Variants in MARK3 observed in about 807,000 individuals in gnomAD.
The protein encoded by MARK3 is MAP/microtubule affinity-regulating kinase 3.
MARK3 carries 46 observed loss-of-function variants against 90.1 expected under a neutral mutation model. The observed-to-expected ratio is 0.51, with a 90% CI of 0.40 to 0.65. MARK3 has a LOEUF of 0.65. Among genes scored for constraint, MARK3 ranks in the 30% least tolerant of loss-of-function variants. MARK3 has a pLI of 0.00. For synonymous variants in MARK3, 321 were observed against 332.6 expected (o/e 0.97, Z 0.38); for missense variants, 818 against 947.2 (o/e 0.86, Z 1.79).
chr14:103,457,234 C>T (rs2093296674), intron 6 of MARK3, 22 bp downstream of exon 6: 1 of 1,521,076 alleles, frequency 6.6e-7, no homozygotes, highest in Non-Finnish European at 9.1e-7. Context: ...TGTGTCTTTA[C>T]TATGTCAATT....
At chr14:103,467,358 A>C (rs910264093) in intron 11 of MARK3, 167 bp downstream of exon 11, 7 of 446,360 alleles carry the variant, frequency 1.6e-5, no homozygotes, top group African/African-American at 1.4e-4. Flanking sequence ...AAGCTATTTT[A>C]ACTTAACCCT....
intron 1 of MARK3, among the ~76,000 whole-genome samples, chr14:103,391,542 CTTTT>C (rs35186837): frequency 7.1e-6 from 1 of 140,086 alleles, no homozygotes. Context: ...GTCAAATATG[CTTTT>C]TTTTTTTTTT....
chr14:103,415,912 A>G (rs1033678111), intron 2 of MARK3, among the ~76,000 whole-genome samples: 1 of 152,174 alleles, frequency 6.6e-6, no homozygotes, highest in East Asian at 1.9e-4. Context: ...GCTTTCTCCA[A>G]ATTTATCATT....
intron 3 of MARK3, among the ~76,000 whole-genome samples, chr14:103,447,183 C>G (rs1040105496): frequency 6.6e-6 from 1 of 152,148 alleles, no homozygotes; most frequent in Non-Finnish European, 1.5e-5. Context: ...ACCTGTGATC[C>G]TAGCACTTTG....
intron 2 of MARK3, among the ~76,000 whole-genome samples, chr14:103,425,608 G>T (rs967672373): frequency 6.6e-6 from 1 of 152,166 alleles, no homozygotes; most frequent in Non-Finnish European, 1.5e-5. Flanking sequence ...CTATAAAGAT[G>T]AATAAGATGT....
At chr14:103,422,010 A>G (rs1164195067) in intron 2 of MARK3, among the ~76,000 whole-genome samples, 1 of 152,178 alleles carries the variant, frequency 6.6e-6, no homozygotes, top group Non-Finnish European at 1.5e-5. Context: ...GCCACTTTTA[A>G]TCTTTTAAAG....
At chr14:103,440,518 T>C (rs1399933028) in intron 3 of MARK3, among the ~76,000 whole-genome samples, 2 of 152,188 alleles carry the variant, frequency 1.3e-5, no homozygotes, top group African/African-American at 2.4e-5. Context: ...GAGAATTGCT[T>C]GAACCCGGGA....
chr14:103,424,466 C>T (rs983907907), intron 2 of MARK3, among the ~76,000 whole-genome samples: 1 of 150,304 alleles, frequency 6.7e-6, no homozygotes, highest in Non-Finnish European at 1.5e-5. Flanking sequence ...GTCGAGGCTG[C>T]AATGAACTGT....
In MARK3 at chr14:103,426,722, A is replaced by G. The variant is rs373494348; in HGVS notation, c.244-1665A>G. Among the ~76,000 whole-genome samples, 75 of 152,182 alleles carry G rather than the reference A, an allele frequency of 4.9e-4. No homozygotes were observed. In the East Asian group the frequency reaches 0.012, roughly 24 times the overall value. ...AGCTATAGAAGCTATAGTACTTCCT[A>G]TATCCTAATGGGTTTTAAAAACACT... is the stretch of plus-strand genomic sequence containing the variant. On this transcript the variant is annotated intron_variant, in intron 2 of 17. Coordinates refer to ENST00000429436, the MANE Select transcript of MARK3 (RefSeq NM_001128918.3).
intron 12 of MARK3, among the ~76,000 whole-genome samples, chr14:103,470,345 G>C (rs1426978159): frequency 6.6e-6 from 1 of 151,734 alleles, no homozygotes; most frequent in Non-Finnish European, 1.5e-5. Flanking sequence ...GGCAGCCTGT[G>C]TGTCAGAGTC....
intron 14 of MARK3, among the ~76,000 whole-genome samples, chr14:103,482,957 A>G (rs2093853541): frequency 6.6e-6 from 1 of 152,190 alleles, no homozygotes; most frequent in South Asian, 2.1e-4. Context: ...TCTCACCGCC[A>G]AACCTTAAAA....
chr14:103,475,249 A>G (rs768833261), intron 13 of MARK3, 39 bp downstream of exon 13: 1 of 1,578,940 alleles, frequency 6.3e-7, no homozygotes, highest in South Asian at 1.1e-5. Flanking sequence ...TTAGGGTGGT[A>G]GGGTTGGAAC....
At chr14:103,443,918 GTGA>G (rs1226778394) in intron 3 of MARK3, among the ~76,000 whole-genome samples, 1 of 152,112 alleles carries the variant, frequency 6.6e-6, no homozygotes, top group Non-Finnish European at 1.5e-5. Flanking sequence ...TTTCTGTAGA[GTGA>G]TGAGGGAGTG....
In MARK3 at chr14:103,475,252, G is replaced by A. The variant is rs762293341; in HGVS notation, c.1482+42G>A. On this transcript the variant is annotated intron_variant, in intron 13 of 17. Coordinates refer to ENST00000429436, the MANE Select transcript of MARK3 (RefSeq NM_001128918.3). ...TATAGAGTGGTCTTAGGGTGGTAGG[G>A]TTGGAACCAGCTAGACACCAGGTGT... is the stretch of plus-strand genomic sequence containing the variant. 41 of 1,556,390 alleles carry A rather than the reference G, an allele frequency of 2.6e-5. No individual in the cohort carries two copies. The South Asian group carries it at 3.8e-4, about 14-fold the overall frequency.
intron 2 of MARK3, among the ~76,000 whole-genome samples, chr14:103,411,884 G>A (rs1255574553): frequency 6.6e-6 from 1 of 150,630 alleles, no homozygotes; most frequent in East Asian, 1.9e-4. Flanking sequence ...GCCTCCTAAA[G>A]TGCTGGGATT....
intron 2 of MARK3, among the ~76,000 whole-genome samples, chr14:103,407,344 A>G (rs143548451): frequency 9.2e-5 from 14 of 152,214 alleles, no homozygotes; most frequent in Admixed American, 1.3e-4. Context: ...ATATTTACAG[A>G]TTTATCTTCA....
intron 2 of MARK3, among the ~76,000 whole-genome samples, chr14:103,427,083 A>G (rs1431098322): frequency 1.3e-5 from 2 of 151,468 alleles, no homozygotes; most frequent in Admixed American, 6.6e-5. Context: ...CTTGGTTTGG[A>G]GGAGACTTTC....
At chr14:103,496,646 C>A (rs1354903505) in intron 15 of MARK3, among the ~76,000 whole-genome samples, 1 of 151,944 alleles carries the variant, frequency 6.6e-6, no homozygotes, top group Non-Finnish European at 1.5e-5. Flanking sequence ...CTCCTGACCT[C>A]AAGTGATCCG....
intron 6 of MARK3, among the ~76,000 whole-genome samples, chr14:103,459,671 TTA>T (rs1470953854): frequency 3.1e-5 from 4 of 128,564 alleles, no homozygotes; most frequent in African/African-American, 3.1e-5. Context: ...AGCTAATTTT[TTA>T]TTTTTTTTTT....
Sources: gnomAD v4.1 joint callset for allele counts (sites outside exome capture counted in the v4.1 genomes callset) on GRCh38, gnomAD v4.1.1 for gene constraint, MANE v1.5 for transcripts, NCBI Gene and HGNC (gene_info 2026-07-23, HGNC 2026-07-21) for gene names.